SIAH3: variants seen among roughly 807,000 people sequenced by gnomAD.
The protein encoded by SIAH3 is seven in absentia homolog 3.
A neutral mutation model predicts 12.6 loss-of-function variants in SIAH3; 9 were observed. The observed-to-expected ratio is 0.72, with a 90% confidence interval of 0.43 to 1.25. The LOEUF (loss-of-function observed/expected upper bound fraction) is 1.25. SIAH3 is among the 50% of genes most tolerant of loss of function. The pLI, the probability that SIAH3 is intolerant of heterozygous loss-of-function variation, is 0.00. For synonymous variants in SIAH3, 154 were observed against 151.1 expected, an observed-to-expected ratio of 1.02 and a Z score of -0.14; for missense variants, 390 against 365.4, an observed-to-expected ratio of 1.07 and a Z score of -0.55.
Position 45,782,512 on chromosome 13 carries a change from C to T in SIAH3, c.*871G>A, listed in dbSNP as rs1418087147. 1 of 152,162 alleles carries T rather than the reference C, an allele frequency of 6.6e-6. No individual in the cohort carries two copies. The highest frequency in any genetic ancestry group is 2.4e-5 in the African/African-American group (1 of 41,428). The allele number at this position is 152,162 out of a possible 1,614,324, so 9.4% of individuals were successfully genotyped here. A position where few individuals can be genotyped will look rare whatever the true frequency, so the allele number is the denominator to read the frequency against. On this transcript the variant is annotated 3_prime_UTR_variant, in exon 2 of 2. Coordinates refer to ENST00000400405, the MANE Select transcript of SIAH3 (RefSeq NM_198849.3). ...TAAAACTCTCTGAGGAGGGAGTGCCCTCTCAGAGATGGGAGATTAATTTTA... is the reference window on the plus strand; with the variant it reads ...TAAAACTCTCTGAGGAGGGAGTGCCTTCTCAGAGATGGGAGATTAATTTTA...
chr13:45,816,410 A>C (rs1465224585), intron 1 of SIAH3, among the ~76,000 whole-genome samples: 1 of 152,230 alleles, frequency 6.6e-6, no homozygotes, highest in Non-Finnish European at 1.5e-5. Flanking sequence ...CCAGCCAAAG[A>C]AGACAGGGTG....
At chr13:45,807,702 A>C (rs1040576028) in intron 1 of SIAH3, among the ~76,000 whole-genome samples, 1 of 152,232 alleles carries the variant, frequency 6.6e-6, no homozygotes, top group African/African-American at 2.4e-5. Flanking sequence ...ACTGGACACC[A>C]GATGGCAGCA....
At chr13:45,839,624 A>G (rs1394985027) in intron 1 of SIAH3, among the ~76,000 whole-genome samples, 1 of 151,490 alleles carries the variant, frequency 6.6e-6, no homozygotes, top group Non-Finnish European at 1.5e-5. Context: ...CAAGGTCAGG[A>G]GATCAAGACC....
At position 45,822,520 on chromosome 13, in the gene SIAH3, A is replaced by AATATATATATATATATATATATATAT. The variant is rs36106322; in HGVS notation, c.135+28949_135+28974dup. On this transcript the variant is annotated intron_variant, in intron 1 of 1. Coordinates refer to ENST00000400405, the MANE Select transcript of SIAH3 (RefSeq NM_198849.3). The stretch of plus-strand genomic sequence containing the variant: ...AAGTGAGCTAACATTTTCATTATCA[A>AATATATATATATATATATATATATAT]ATATATATATATATATATATATATA... Among the ~76,000 whole-genome samples the AATATATATATATATATATATATATAT allele has an allele frequency of 2.3e-4, 20 of 85,406 alleles. 1 individual carries two copies. Among genetic ancestry groups the AATATATATATATATATATATATATAT allele is most frequent in the Admixed American group, 4.8e-4 (3 of 6,196 alleles). The allele number at this position is 85,406 out of a possible 152,430, so 56.0% of individuals were successfully genotyped here. A position where few individuals can be genotyped will look rare whatever the true frequency, so the allele number is the denominator to read the frequency against.
rs564585001 is a variant in SIAH3, at chr13:45,850,884, C to A, written c.135+611G>T. On this transcript the variant is annotated intron_variant, in intron 1 of 1. Transcript: ENST00000400405. Reference sequence around the variant, plus strand: ...CTCCAGTACACAGAGCGCATCTAACCAGCAGGAAGGAAATAAGCCAAAATC... The same window carrying A: ...CTCCAGTACACAGAGCGCATCTAACAAGCAGGAAGGAAATAAGCCAAAATC... Among the ~76,000 whole-genome samples the A allele has an allele frequency of 6.6e-5, 10 of 150,872 alleles. No individual in the cohort carries two copies. In the East Asian group the frequency reaches 2.0e-3, roughly 30 times the overall value.
At position 45,810,981 on chromosome 13, in the gene SIAH3, G is replaced by A. The variant is rs544225612; in HGVS notation, c.136-26924C>T. Reference sequence around the variant, plus strand: ...GACATGTGGTTGAAGGATTGTTCTGGTATGACTGACAGAGGCAAAATAGGA... The same window carrying A: ...GACATGTGGTTGAAGGATTGTTCTGATATGACTGACAGAGGCAAAATAGGA... On this transcript the variant is annotated intron_variant, in intron 1 of 1. Transcript: ENST00000400405. 3.9e-5 allele frequency among the ~76,000 whole-genome samples: 6 copies of A among 152,288 alleles called. No individual in the cohort carries two copies. The South Asian group carries it at 1.2e-3, about 32-fold the overall frequency.
At chr13:45,843,267 A>T (rs75236182) in intron 1 of SIAH3, among the ~76,000 whole-genome samples, 1 of 152,046 alleles carries the variant, frequency 6.6e-6, no homozygotes, top group African/African-American at 2.4e-5. Flanking sequence ...ACTGCAGGGC[A>T]GAGAGAAAAT....
chr13:45,845,602 G>T lies in SIAH3; in HGVS notation c.135+5893C>A, dbSNP rs1593390181. The stretch of plus-strand genomic sequence containing the variant: ...TTAGTATATCTGAGTGTTTATGCTT[G>T]CAAAAATATGTATGTTACTATTGCC... On this transcript the variant is annotated intron_variant, in intron 1 of 1. Transcript: ENST00000400405. Among the ~76,000 whole-genome samples the T allele has an allele frequency of 3.3e-5, 5 of 152,226 alleles. No homozygotes were observed. The South Asian group carries it at 1.0e-3, about 32-fold the overall frequency.
At chr13:45,833,314 A>G (rs1950706193) in intron 1 of SIAH3, among the ~76,000 whole-genome samples, 1 of 152,196 alleles carries the variant, frequency 6.6e-6, no homozygotes. Flanking sequence ...GCTGAAGGTC[A>G]GACATCCTAG....
At position 45,783,392 on chromosome 13, in the gene SIAH3, A is replaced by G. The variant is rs202182945; in HGVS notation, c.801T>C (p.Ala267=). The G allele has an allele frequency of 1.1e-4, 181 of 1,607,962 alleles. No homozygotes were observed. Among genetic ancestry groups the G allele is most frequent in the Non-Finnish European group, 1.5e-4 (172 of 1,175,426 alleles). The change falls in exon 2 of 2, where the codon GCT becomes GCC. Residue 267 remains alanine (A), a synonymous_variant. Coordinates refer to ENST00000400405, the MANE Select transcript of SIAH3 (RefSeq NM_198849.3). ...ITATEVLPSE[A]EM ...TCCGTGGCTCCTGGCCTCACATTTC[A>G]GCTTCTGAGGGGAGGACCTCTGTCG...
At chr13:45,844,567 A>T (rs9562622) in intron 1 of SIAH3, among the ~76,000 whole-genome samples, 19,465 of 152,142 alleles carry the variant, frequency 0.13, 1,886 homozygotes, top group African/African-American at 0.27. Context: ...TAGCTTGCAG[A>T]TGGGCATGCC....
intron 1 of SIAH3, among the ~76,000 whole-genome samples, chr13:45,816,737 C>T (rs930075127): frequency 6.6e-6 from 1 of 152,196 alleles, no homozygotes; most frequent in African/African-American, 2.4e-5. Context: ...CTCACCTGCT[C>T]CAAGACAGCC....
At chr13:45,807,174 T>C (rs1029427952) in intron 1 of SIAH3, among the ~76,000 whole-genome samples, 2 of 152,006 alleles carry the variant, frequency 1.3e-5, no homozygotes, top group Non-Finnish European at 2.9e-5. Context: ...TAAGAAAGAA[T>C]TGAATAAATA....
rs373174027 is a variant in SIAH3 at position 45,846,276 on chromosome 13, G to A, written c.135+5219C>T. Among the ~76,000 whole-genome samples, 186 of 151,992 alleles carry A rather than the reference G, an allele frequency of 1.2e-3. 1 individual carries two copies. The highest frequency in any genetic ancestry group is 3.4e-3 in the Middle Eastern group (1 of 294). On this transcript the variant is annotated intron_variant, in intron 1 of 1. Coordinates refer to ENST00000400405, the MANE Select transcript of SIAH3 (RefSeq NM_198849.3). ...AGCTAATTTTCGTAGTTTTAGTAGA[G>A]TGTGGGTTTTACCATGTTGGCCAGG...
chr13:45,814,854 C>T (rs143968612), intron 1 of SIAH3, among the ~76,000 whole-genome samples: 11 of 152,148 alleles, frequency 7.2e-5, no homozygotes, highest in Non-Finnish European at 1.5e-4. Flanking sequence ...TCCAGAGTAG[C>T]TGGGATTATA....
chr13:45,800,897 T>C (rs6561266), intron 1 of SIAH3, among the ~76,000 whole-genome samples: 57,176 of 151,754 alleles, frequency 0.38, 11,364 homozygotes, highest in African/African-American at 0.46. Flanking sequence ...ATCGTCTTTG[T>C]GGGCGACCTC....
chr13:45,839,660 A>C (rs7322561), intron 1 of SIAH3, among the ~76,000 whole-genome samples: 75 of 152,028 alleles, frequency 4.9e-4, no homozygotes, highest in African/African-American at 1.3e-3. Context: ...GTGAAACCCC[A>C]TCTCTACTAA....
chr13:45,820,370 G>C (rs1566093389), intron 1 of SIAH3, among the ~76,000 whole-genome samples: 3 of 152,162 alleles, frequency 2.0e-5, no homozygotes, highest in African/African-American at 7.2e-5. Flanking sequence ...GGACGAGAAG[G>C]GTCTGGGCTG....
intron 1 of SIAH3, among the ~76,000 whole-genome samples, chr13:45,831,603 A>T (rs1950699486): frequency 6.6e-6 from 1 of 152,140 alleles, no homozygotes; most frequent in South Asian, 2.1e-4. Flanking sequence ...TTTATACTCT[A>T]ATGAGAAGGC....
Sources: gnomAD v4.1 joint callset for allele counts (sites outside exome capture counted in the v4.1 genomes callset) on GRCh38, gnomAD v4.1.1 for gene constraint, MANE v1.5 for transcripts, NCBI Gene and HGNC (gene_info 2026-07-23, HGNC 2026-07-21) for gene names.